The following HS1BP3 variants were observed in gnomAD, a reference collection of about 807,000 sequenced individuals.
HS1BP3 encodes HCLS1-binding protein 3.
A neutral mutation model predicts 33.5 loss-of-function variants in HS1BP3; 32 were observed. The observed-to-expected ratio is 0.95, with a 90% confidence interval of 0.72 to 1.28. The LOEUF is 1.28. Among genes scored for constraint, HS1BP3 ranks in the 50% most tolerant of loss-of-function variants. The probability of loss-of-function intolerance (pLI) is 0.00; values close to 1 mark genes in which losing one functional copy is unlikely to be tolerated. For missense variants in HS1BP3, 486 were observed against 502.3 expected, an observed-to-expected ratio of 0.97 and a Z score of 0.31; for synonymous variants, 187 against 209.2, an observed-to-expected ratio of 0.89 and a Z score of 0.92.
At chr2:20,619,267 C>T in intron 6 of HS1BP3, 22 bp from the exon 7 acceptor site, 1 of 1,566,686 alleles carries the variant, frequency 6.4e-7, no homozygotes, top group African/African-American at 1.4e-5. Context: ...CAGGGAGGAA[C>T]CCTGAGCATA....
At chr2:20,642,674 C>T (rs755812457) in intron 2 of HS1BP3, among the ~76,000 whole-genome samples, 11 of 152,328 alleles carry the variant, frequency 7.2e-5, no homozygotes, top group Admixed American at 5.9e-4. Flanking sequence ...GTGAGTACTC[C>T]GGAGCTGTAG....
chr2:20,602,236 C>T (rs898373181), intron 2 of HS1BP3, among the ~76,000 whole-genome samples: 7 of 151,676 alleles, frequency 4.6e-5, no homozygotes, highest in African/African-American at 9.7e-5. Context: ...TATTTCTGGC[C>T]TCTGTGCCAG....
intron 5 of HS1BP3, among the ~76,000 whole-genome samples, chr2:20,563,663 C>T (rs1693056689): frequency 6.6e-6 from 1 of 152,166 alleles, no homozygotes; most frequent in African/African-American, 2.4e-5. Flanking sequence ...CGTTCTGCTT[C>T]ACAAAGCTCA....
intron 4 of HS1BP3, among the ~76,000 whole-genome samples, chr2:20,626,855 G>A (rs1033621686): frequency 2.6e-5 from 4 of 152,140 alleles, no homozygotes; most frequent in South Asian, 4.1e-4. Context: ...GCCAGGGCTC[G>A]CCTGCTCTTA....
At position 20,611,722 on chromosome 2, in the gene HS1BP3, A is replaced by G. The variant is rs1435253929; in HGVS notation, c.178+12174T>C. Among the ~76,000 whole-genome samples, 1 of 152,100 alleles carries G rather than the reference A, an allele frequency of 6.6e-6. No homozygotes were observed. Among genetic ancestry groups the G allele is most frequent in the African/African-American group, 2.4e-5 (1 of 41,430 alleles). ...CCTGGACACAGGGTCCCTCAATCCC[A>G]GGGCCCCTTTCTGGGTCTCCAGTGG... On this transcript the variant is annotated intron_variant, in intron 2 of 3. Transcript: ENST00000415264. This position sits in a 1 kb window ranked among gnomAD's most constrained non-coding sequence, Gnocchi z 4.9.
intron 1 of HS1BP3, among the ~76,000 whole-genome samples, chr2:20,647,252 C>T (rs1380260609): frequency 2.0e-5 from 3 of 152,200 alleles, no homozygotes; most frequent in Non-Finnish European, 2.9e-5. Context: ...TTTCCAGGGT[C>T]CCATTCCATT....
intron 5 of HS1BP3, among the ~76,000 whole-genome samples, chr2:20,562,105 A>G (rs141728155): frequency 6.6e-6 from 1 of 152,168 alleles, no homozygotes; most frequent in Admixed American, 6.5e-5. Flanking sequence ...TGGAGGCTCC[A>G]TGCCCCTTTC....
intron 5 of HS1BP3, among the ~76,000 whole-genome samples, chr2:20,567,974 G>A (rs780096098): frequency 2.0e-5 from 3 of 152,098 alleles, no homozygotes; most frequent in African/African-American, 4.8e-5. Context: ...CAGTCCCCTA[G>A]GAGGGCAGCT....
At chr2:20,623,414 T>C (rs1694666548) in intron 6 of HS1BP3, 1 of 154,090 alleles carries the variant, frequency 6.5e-6, no homozygotes, top group African/African-American at 2.4e-5. Flanking sequence ...TTGACCTCCA[T>C]GTGACAGCTG....
intron 6 of HS1BP3, chr2:20,622,103 C>T (rs905326612): frequency 3.2e-5 from 33 of 1,024,394 alleles, no homozygotes; most frequent in African/African-American, 2.6e-4. Context: ...AGCCTCGACC[C>T]GCTCAGTGTA....
chr2:20,597,387 G>A (rs921897783), intron 3 of HS1BP3, among the ~76,000 whole-genome samples: 4 of 152,192 alleles, frequency 2.6e-5, no homozygotes, highest in African/African-American at 9.6e-5. Context: ...TAGAGCCCTG[G>A]ACGGAGCTCC....
At chr2:20,557,497 A>G (rs1197894478), downstream of HS1BP3, among the ~76,000 whole-genome samples, 1 of 152,142 alleles carries the variant, frequency 6.6e-6, no homozygotes, top group African/African-American at 2.4e-5. Context: ...CCATTTTCCA[A>G]CACAAATCTC....
chr2:20,559,660 ATGGATGGATGGG>A (rs1380694735), downstream of HS1BP3, among the ~76,000 whole-genome samples: 3 of 23,038 alleles, frequency 1.3e-4, no homozygotes, highest in East Asian at 4.3e-3. Flanking sequence ...GGATGGGTGC[ATGGATGGATGGG>A]TGGATGAATG....
At chr2:20,627,859 C>T (rs909414129) in intron 4 of HS1BP3, among the ~76,000 whole-genome samples, 5 of 152,134 alleles carry the variant, frequency 3.3e-5, no homozygotes, top group Non-Finnish European at 7.3e-5. Flanking sequence ...TAGTAATGTG[C>T]CTGGTCCATA....
intron 4 of HS1BP3, among the ~76,000 whole-genome samples, chr2:20,634,364 G>A (rs1695057207): frequency 6.6e-6 from 1 of 152,244 alleles, no homozygotes; most frequent in Admixed American, 6.5e-5. Context: ...GATCTGAGGG[G>A]GGCCTGGAAT....
At chr2:20,569,637 C>T (rs1261815352) in intron 5 of HS1BP3, among the ~76,000 whole-genome samples, 5 of 152,340 alleles carry the variant, frequency 3.3e-5, no homozygotes, top group Admixed American at 2.0e-4. Context: ...AACCCACAGC[C>T]ATGCCTCTCT....
At chr2:20,579,844 A>C (rs1693490257) in intron 5 of HS1BP3, among the ~76,000 whole-genome samples, 1 of 152,266 alleles carries the variant, frequency 6.6e-6, no homozygotes, top group Non-Finnish European at 1.5e-5. Context: ...TTCAAAAAAG[A>C]CAAAGCTATT....
intron 1 of HS1BP3, among the ~76,000 whole-genome samples, chr2:20,647,615 C>T (rs993785802): frequency 6.6e-6 from 1 of 152,144 alleles, no homozygotes; most frequent in Non-Finnish European, 1.5e-5. Context: ...AGCCCTCCGA[C>T]GAGTCTGATG....
intron 2 of HS1BP3, among the ~76,000 whole-genome samples, chr2:20,600,139 C>A (rs568799857): frequency 2.6e-5 from 4 of 152,284 alleles, no homozygotes; most frequent in South Asian, 4.2e-4. Context: ...GGCCTTGTAG[C>A]CTGTTAGTCC....
Sources: allele counts gnomAD v4.1 joint callset (sites outside exome capture counted in the v4.1 genomes callset), GRCh38; gene constraint gnomAD v4.1.1; non-coding constraint Gnocchi (gnomAD v3.1); transcripts MANE v1.5; gene names NCBI Gene and HGNC (gene_info 2026-07-23, HGNC 2026-07-21).